Variants in TENM2 observed in about 807,000 individuals in gnomAD.
The protein encoded by TENM2 is teneurin transmembrane protein 2.
Under a neutral mutation model 245.2 loss-of-function variants are expected in TENM2, and 52 were observed. The observed-to-expected ratio is 0.21, with a 90% CI of 0.17 to 0.27. The LOEUF is 0.27. Ranked by LOEUF, TENM2 falls within the 10% of genes least tolerant of loss-of-function variation. The pLI is 1.00. For missense variants in TENM2, 3,046 were observed against 3,666.8 expected (o/e 0.83, Z 4.37); for synonymous variants, 1,363 against 1,438.9 (o/e 0.95, Z 1.19).
At position 167,742,496 on chromosome 5, in the gene TENM2, G is replaced by A. The variant is rs779256009; in HGVS notation, c.503-133490G>A. On this transcript the variant is annotated intron_variant, in intron 2 of 28. Transcript: ENST00000518659. Reference sequence around the variant, plus strand: ...TTTTTCTTGCTGTGTATATGTCCATGTGGTTAGTATGTTAGCAGCTCCTAT... The same window carrying A: ...TTTTTCTTGCTGTGTATATGTCCATATGGTTAGTATGTTAGCAGCTCCTAT... 3.7e-4 allele frequency among the ~76,000 whole-genome samples: 57 copies of A among 152,122 alleles called. No homozygotes were observed. The South Asian group carries it at 6.6e-3, about 18-fold the overall frequency.
chr5:167,319,565 C>T (rs748883509), intron 1 of TENM2, among the ~76,000 whole-genome samples: 4 of 152,248 alleles, frequency 2.6e-5, no homozygotes, highest in Admixed American at 6.5e-5. Flanking sequence ...ACTAGATTTT[C>T]GTTTACCCTC....
chr5:167,413,375 TC>T (rs1315069136), intron 2 of TENM2, among the ~76,000 whole-genome samples: 1 of 152,090 alleles, frequency 6.6e-6, no homozygotes, highest in African/African-American at 2.4e-5. Flanking sequence ...TCAGACTAAC[TC>T]ACCACAGAGT....
chr5:167,771,892 T>C (rs1024837570), intron 2 of TENM2, among the ~76,000 whole-genome samples: 1 of 152,226 alleles, frequency 6.6e-6, no homozygotes, highest in Non-Finnish European at 1.5e-5. Flanking sequence ...CCCTCTAACC[T>C]AGCGCCATGT....
chr5:166,982,679 C>T, the TENM2 span, among the ~76,000 whole-genome samples: 1 of 151,940 alleles, frequency 6.6e-6, no homozygotes, highest in African/African-American at 2.4e-5. Context: ...CTGCTGGTTC[C>T]CAGTAGCCCT....
the TENM2 span, among the ~76,000 whole-genome samples, chr5:167,196,472 A>G: frequency 6.7e-6 from 1 of 148,388 alleles, no homozygotes; most frequent in Non-Finnish European, 1.5e-5. Flanking sequence ...ATATGTGTGT[A>G]TATATATATG....
intron 13 of TENM2, among the ~76,000 whole-genome samples, chr5:168,172,246 C>T (rs1269788207): frequency 6.6e-6 from 1 of 152,096 alleles, no homozygotes; most frequent in Non-Finnish European, 1.5e-5. Context: ...CTGAGAAATC[C>T]GATATAGACA....
chr5:167,845,980 G>T (rs13361359), intron 2 of TENM2, among the ~76,000 whole-genome samples: 8 of 152,004 alleles, frequency 5.3e-5, no homozygotes, highest in Non-Finnish European at 1.0e-4. Flanking sequence ...GCTGCTTCCA[G>T]CCTCATCCTT....
chr5:168,203,468 C>T (rs978340143), intron 17 of TENM2, among the ~76,000 whole-genome samples: 4 of 152,174 alleles, frequency 2.6e-5, no homozygotes, highest in Non-Finnish European at 5.9e-5. Context: ...CCACAGAGTA[C>T]TACTGTGTAA....
intron 23 of TENM2, among the ~76,000 whole-genome samples, chr5:168,220,816 G>A (rs933631637): frequency 4.6e-5 from 7 of 152,134 alleles, no homozygotes; most frequent in Non-Finnish European, 1.0e-4. Context: ...GAGGCTACTA[G>A]AAAAGTCTGT....
chr5:167,959,577 G>A (rs1288697347), intron 4 of TENM2, among the ~76,000 whole-genome samples: 3 of 152,180 alleles, frequency 2.0e-5, no homozygotes, highest in South Asian at 2.1e-4. Context: ...CTCTAAACTG[G>A]TTATTCTAGT....
At chr5:167,433,028 TTC>T (rs771547410) in intron 2 of TENM2, among the ~76,000 whole-genome samples, 72 of 152,274 alleles carry the variant, frequency 4.7e-4, no homozygotes, top group African/African-American at 1.6e-3. Flanking sequence ...ACTAGTAAAT[TTC>T]TGTTTTCTTT....
intron 18 of TENM2, 101 bp downstream of exon 20, chr5:168,203,933 G>T (rs1161602866): frequency 5.5e-6 from 6 of 1,089,202 alleles, no homozygotes; most frequent in Non-Finnish European, 7.3e-6. Context: ...CCTTCCCTGG[G>T]TCATTTTTTC....
At chr5:167,012,746 A>T in the TENM2 span, among the ~76,000 whole-genome samples, 1 of 152,166 alleles carries the variant, frequency 6.6e-6, no homozygotes, top group Non-Finnish European at 1.5e-5. Flanking sequence ...ACAGGGCTGC[A>T]TCCTCTCAGA....
the TENM2 span, among the ~76,000 whole-genome samples, chr5:167,010,407 G>A: frequency 6.6e-6 from 1 of 152,092 alleles, no homozygotes; most frequent in African/African-American, 2.4e-5. Context: ...ATTTACAAAG[G>A]AGCTGTATCT....
chr5:168,044,843 T>C (rs184774881), intron 5 of TENM2, among the ~76,000 whole-genome samples: 1 of 152,146 alleles, frequency 6.6e-6, no homozygotes, highest in Admixed American at 6.5e-5. Flanking sequence ...CCTGGGGTCT[T>C]TATCCTAAGG....
intron 27 of TENM2, among the ~76,000 whole-genome samples, chr5:168,258,042 G>A (rs929429766): frequency 6.6e-6 from 1 of 152,160 alleles, no homozygotes; most frequent in Admixed American, 6.5e-5. Flanking sequence ...TGGAAGTGGC[G>A]AGAGGAGACA....
At chr5:167,920,691 T>C (rs1251962900) in intron 3 of TENM2, among the ~76,000 whole-genome samples, 1 of 152,060 alleles carries the variant, frequency 6.6e-6, no homozygotes, top group African/African-American at 2.4e-5. Context: ...AGATAAATAA[T>C]TGGGGGAGAT....
chr5:168,121,368 A>G (rs1246984528), intron 10 of TENM2, among the ~76,000 whole-genome samples: 2 of 152,250 alleles, frequency 1.3e-5, no homozygotes, highest in Non-Finnish European at 2.9e-5. Flanking sequence ...CGTGGCCACA[A>G]GAGCATCTTA....
In TENM2 at chr5:167,521,267, C is replaced by T. The variant is rs555293899; in HGVS notation, c.502+145794C>T. Among the ~76,000 whole-genome samples, 88 of 152,090 alleles carry T rather than the reference C, an allele frequency of 5.8e-4. 1 individual carries two copies. Among genetic ancestry groups the T allele is most frequent in the Non-Finnish European group, 1.1e-3 (76 of 68,008 alleles). On this transcript the variant is annotated intron_variant, in intron 2 of 28. Coordinates refer to ENST00000518659, the Ensembl canonical transcript of TENM2. ...ATTATCTGAGATCCATTGCTTGAAC[C>T]AATAAAATGCAAGTATATCACTACT...
Sources: allele counts gnomAD v4.1 joint callset (sites outside exome capture counted in the v4.1 genomes callset), GRCh38; gene constraint gnomAD v4.1.1; transcripts MANE v1.5; gene names NCBI Gene and HGNC (gene_info 2026-07-23, HGNC 2026-07-21).